Variants in SHTN1 observed in about 807,000 individuals in gnomAD.
The protein encoded by SHTN1 is shootin-1.
In SHTN1, 42 loss-of-function variants were observed where a neutral mutation model predicts 83.1. The observed-to-expected ratio is 0.51, with a 90% confidence interval of 0.39 to 0.65. The LOEUF is 0.65. Among genes scored for constraint, SHTN1 ranks in the 30% least tolerant of loss-of-function variants. SHTN1 has a pLI of 0.00. For synonymous variants in SHTN1, 224 were observed against 247.7 expected (o/e 0.90, Z 0.90); for missense variants, 622 against 737.8 (o/e 0.84, Z 1.82).
At chr10:116,908,785 C>T (rs1848074099) in intron 14 of SHTN1, among the ~76,000 whole-genome samples, 1 of 152,074 alleles carries the variant, frequency 6.6e-6, no homozygotes, top group African/African-American at 2.4e-5. Context: ...GCATTATTTC[C>T]TCAAATTCTT....
intron 2 of SHTN1, among the ~76,000 whole-genome samples, chr10:117,026,959 C>T (rs538121323): frequency 3.9e-5 from 6 of 152,202 alleles, no homozygotes; most frequent in Non-Finnish European, 5.9e-5. Context: ...TTCTTTGACC[C>T]AGCACAGTCC....
intron 1 of SHTN1, among the ~76,000 whole-genome samples, chr10:117,120,378 G>A (rs914074406): frequency 2.0e-5 from 3 of 151,788 alleles, no homozygotes; most frequent in African/African-American, 7.3e-5. Context: ...CTCCTGAGTA[G>A]CTGGGACTAC....
At chr10:116,910,990 G>A (rs761356705) in intron 14 of SHTN1, among the ~76,000 whole-genome samples, 2 of 152,222 alleles carry the variant, frequency 1.3e-5, no homozygotes, top group Non-Finnish European at 2.9e-5. Context: ...TACATGCAAT[G>A]CATAATTGGC....
rs1014364215 is a variant in SHTN1 at position 117,029,554 on chromosome 10, T to A, written c.-123+18891A>T. The stretch of plus-strand genomic sequence containing the variant: ...GCTGAATGTTGGAGGTGGGGCCTGG[T>A]GGGAGGTGATTGAATCATGGGGGCA... On this transcript the variant is annotated intron_variant, in intron 2 of 17. Transcript: ENST00000392901. Among the ~76,000 whole-genome samples the A allele has an allele frequency of 2.6e-5, 4 of 152,134 alleles. No individual in the cohort carries two copies. In the East Asian group the frequency reaches 5.8e-4, roughly 22 times the overall value.
At chr10:116,948,872 C>A in intron 7 of SHTN1, 44 bp downstream of exon 7, 1 of 1,357,804 alleles carries the variant, frequency 7.4e-7, no homozygotes, top group African/African-American at 1.5e-5. Flanking sequence ...GCAAACAGAA[C>A]ACACCGCATA....
At chr10:117,065,833 GA>G in intron 1 of SHTN1, among the ~76,000 whole-genome samples, 1 of 85,016 alleles carries the variant, frequency 1.2e-5, no homozygotes, top group African/African-American at 4.7e-5. Flanking sequence ...AGGAAGGAAG[GA>G]AGGAAGGAAG....
chr10:117,061,753 G>A (rs557841132), intron 1 of SHTN1, among the ~76,000 whole-genome samples: 13 of 152,258 alleles, frequency 8.5e-5, no homozygotes, highest in Non-Finnish European at 1.8e-4. Flanking sequence ...TTACAGACAT[G>A]AGCCACCACA....
chr10:116,983,826 T>G (rs1251959883), intron 1 of SHTN1, among the ~76,000 whole-genome samples: 1 of 151,864 alleles, frequency 6.6e-6, no homozygotes, highest in Non-Finnish European at 1.5e-5. Context: ...AACATAACAA[T>G]ATAGAATGGA....
At chr10:117,066,861 G>A (rs2133600124) in intron 1 of SHTN1, among the ~76,000 whole-genome samples, 1 of 152,274 alleles carries the variant, frequency 6.6e-6, no homozygotes, top group Admixed American at 6.5e-5. Context: ...GCAAATAACA[G>A]GCATTACTGC....
chr10:117,032,631 G>T (rs993132093), intron 2 of SHTN1, among the ~76,000 whole-genome samples: 13 of 152,142 alleles, frequency 8.5e-5, no homozygotes, highest in African/African-American at 3.1e-4. Context: ...TTCAGCACTG[G>T]ACAGATCTAA....
At chr10:117,003,196 A>G (rs574456269) in intron 1 of SHTN1, among the ~76,000 whole-genome samples, 1 of 152,072 alleles carries the variant, frequency 6.6e-6, no homozygotes, top group African/African-American at 2.4e-5. Context: ...CCACAAATCT[A>G]GAATATGAAT....
chr10:116,939,645 G>A (rs1299800313), intron 9 of SHTN1, among the ~76,000 whole-genome samples: 5 of 152,140 alleles, frequency 3.3e-5, no homozygotes, highest in Admixed American at 3.3e-4. Flanking sequence ...TCTTATTGAG[G>A]CAAAACAAAT....
At chr10:117,025,351 G>T (rs552622897) in intron 2 of SHTN1, among the ~76,000 whole-genome samples, 13 of 152,302 alleles carry the variant, frequency 8.5e-5, no homozygotes, top group African/African-American at 2.9e-4. Flanking sequence ...ATTAAAGCCA[G>T]CCCTGGGCAG....
At chr10:116,908,325 T>A (rs1848053125) in intron 14 of SHTN1, among the ~76,000 whole-genome samples, 1 of 152,204 alleles carries the variant, frequency 6.6e-6, no homozygotes, top group South Asian at 2.1e-4. Flanking sequence ...ACATCACATG[T>A]AACACTATAA....
intron 1 of SHTN1, among the ~76,000 whole-genome samples, chr10:117,069,839 G>A (rs1853055519): frequency 6.6e-6 from 1 of 152,112 alleles, no homozygotes; most frequent in African/African-American, 2.4e-5. Flanking sequence ...AAATGAATCA[G>A]CAACCAATTT....
intron 1 of SHTN1, among the ~76,000 whole-genome samples, chr10:117,086,620 T>G (rs1471569443): frequency 6.6e-6 from 1 of 152,146 alleles, no homozygotes; most frequent in Non-Finnish European, 1.5e-5. Flanking sequence ...TTGGCAAAAA[T>G]GTGGAGAAAC....
At chr10:116,970,457 G>A (rs551771597) in intron 2 of SHTN1, among the ~76,000 whole-genome samples, 16 of 152,080 alleles carry the variant, frequency 1.1e-4, no homozygotes, top group South Asian at 4.2e-4. Flanking sequence ...GGCTCAAGTC[G>A]GTAATCCCAG....
At chr10:116,911,152 T>G (rs906362125) in intron 14 of SHTN1, among the ~76,000 whole-genome samples, 3 of 152,210 alleles carry the variant, frequency 2.0e-5, no homozygotes, top group African/African-American at 7.2e-5. Flanking sequence ...GGCATCTGTC[T>G]CTAACAGCAA....
chr10:116,979,989 A>G (rs1431233207), intron 1 of SHTN1, among the ~76,000 whole-genome samples: 1 of 151,926 alleles, frequency 6.6e-6, no homozygotes, highest in Non-Finnish European at 1.5e-5. Flanking sequence ...AATGGGGAAG[A>G]TATGTTAAAC....
Sources: gnomAD v4.1 joint callset for allele counts (sites outside exome capture counted in the v4.1 genomes callset) on GRCh38, gnomAD v4.1.1 for gene constraint, MANE v1.5 for transcripts, NCBI Gene and HGNC (gene_info 2026-07-23, HGNC 2026-07-21) for gene names.